PPP3CB: variants seen among roughly 807,000 people sequenced by gnomAD.
PPP3CB encodes serine/threonine-protein phosphatase 2B catalytic subunit beta isoform.
A neutral mutation model predicts 66.4 loss-of-function variants in PPP3CB; 8 were observed. The observed-to-expected ratio is 0.12, with a 90% CI of 0.07 to 0.22. The LOEUF (loss-of-function observed/expected upper bound fraction) is 0.22, where lower values mean the gene tolerates loss of function less well. Ranked by LOEUF, PPP3CB falls within the 10% of genes least tolerant of loss-of-function variation. The pLI is 1.00. For synonymous variants in PPP3CB, 208 were observed against 221.2 expected, an observed-to-expected ratio of 0.94 and a Z score of 0.53; for missense variants, 319 against 642.5, an observed-to-expected ratio of 0.50 and a Z score of 5.44.
chr10:73,443,306 A>AAG (rs754480731), intron 12 of PPP3CB, among the ~76,000 whole-genome samples: 27 of 148,312 alleles, frequency 1.8e-4, no homozygotes, highest in Non-Finnish European at 2.1e-4. Context: ...GAAAGAAAGA[A>AAG]AGAAAGAAAG....
intron 1 of PPP3CB, among the ~76,000 whole-genome samples, chr10:73,487,092 C>T (rs2133024730): frequency 6.6e-6 from 1 of 152,224 alleles, no homozygotes; most frequent in Admixed American, 6.5e-5. Flanking sequence ...ATTGCTTGAA[C>T]CTTGGAAGCA....
chr10:73,470,610 C>T, intron 8 of PPP3CB, 77 bp downstream of exon 8: 1 of 820,562 alleles, frequency 1.2e-6, no homozygotes, highest in South Asian at 2.3e-5. Flanking sequence ...CAAACAACAC[C>T]CCTTTTTTAT....
chr10:73,440,704 G>C (rs1472202996), intron 12 of PPP3CB, among the ~76,000 whole-genome samples: 1 of 152,122 alleles, frequency 6.6e-6, no homozygotes, highest in African/African-American at 2.4e-5. Flanking sequence ...AGACTACTGA[G>C]CATCTTTTCA....
intron 10 of PPP3CB, 139 bp downstream of exon 10, chr10:73,454,273 A>T: frequency 2.2e-6 from 1 of 446,874 alleles, no homozygotes; most frequent in East Asian, 3.5e-5. Context: ...ATATCCAAAA[A>T]AAGTAACTTG....
chr10:73,455,488 C>A (rs2056411278), intron 9 of PPP3CB, among the ~76,000 whole-genome samples: 1 of 152,178 alleles, frequency 6.6e-6, no homozygotes, highest in South Asian at 2.1e-4. Flanking sequence ...TCAATTATCA[C>A]CTCGTTGAAG....
chr10:73,489,021 TC>T (rs1288520528), intron 1 of PPP3CB, among the ~76,000 whole-genome samples: 2 of 152,204 alleles, frequency 1.3e-5, no homozygotes, highest in African/African-American at 4.8e-5. Context: ...AAACTTTGGA[TC>T]TTATTTTCAA....
At chr10:73,490,721 T>C (rs374566654) in intron 1 of PPP3CB, among the ~76,000 whole-genome samples, 4 of 152,316 alleles carry the variant, frequency 2.6e-5, no homozygotes, top group Middle Eastern at 3.4e-3. Context: ...CTTGTTACCA[T>C]AGTGTTCCCT....
chr10:73,494,345 G>A (rs2057134481), intron 1 of PPP3CB, among the ~76,000 whole-genome samples: 1 of 152,082 alleles, frequency 6.6e-6, no homozygotes, highest in African/African-American at 2.4e-5. Context: ...GGAGCACACT[G>A]GCGCAAATCT....
intron 3 of PPP3CB, among the ~76,000 whole-genome samples, chr10:73,476,531 C>G (rs554138620): frequency 1.3e-5 from 2 of 151,548 alleles, no homozygotes; most frequent in East Asian, 3.9e-4. Flanking sequence ...GCAGGAGAAT[C>G]TCTTGAACCT....
chr10:73,457,673 G>C (rs1044842462), intron 9 of PPP3CB, among the ~76,000 whole-genome samples: 11 of 151,606 alleles, frequency 7.3e-5, no homozygotes, highest in African/African-American at 2.7e-4. Context: ...GGGAGGTGGA[G>C]GTTGCAGTGA....
intron 9 of PPP3CB, among the ~76,000 whole-genome samples, chr10:73,462,140 CTTT>C (rs1019088638): frequency 3.2e-5 from 3 of 94,218 alleles, no homozygotes; most frequent in Non-Finnish European, 2.2e-5. Flanking sequence ...TAAACTCCTT[CTTT>C]TTTTTTTTTT....
intron 1 of PPP3CB, among the ~76,000 whole-genome samples, chr10:73,487,941 C>T (rs557389024): frequency 2.5e-4 from 38 of 152,012 alleles, no homozygotes; most frequent in South Asian, 1.0e-3. Flanking sequence ...CCATCACACC[C>T]GGCTAATTAG....
chr10:73,486,007 G>A (rs11000676), intron 1 of PPP3CB, among the ~76,000 whole-genome samples: 2,296 of 149,712 alleles, frequency 0.015, 64 homozygotes, highest in African/African-American at 0.053. Flanking sequence ...ATGCAGTGGC[G>A]CAACATGAGC....
In PPP3CB at chr10:73,438,120, A is replaced by C. The variant is rs2056094356; in HGVS notation, c.*122T>G. On this transcript the variant is annotated 3_prime_UTR_variant, in exon 14 of 14. Coordinates refer to ENST00000360663, the MANE Select transcript of PPP3CB (RefSeq NM_021132.4). ...TCCAGGAAGGGGGCTAGGGTCTCAG[A>C]AGCACAATGGTTTCTTCAGAGAGAC... 3.0e-6 allele frequency: 3 copies of C among 999,316 alleles called. No individual in the cohort carries two copies. Among genetic ancestry groups the C allele is most frequent in the Non-Finnish European group, 4.3e-6 (3 of 690,526 alleles). 61.9% of individuals were successfully genotyped at this position (999,316 alleles called of 1,614,324 possible). A position where few individuals can be genotyped will look rare whatever the true frequency, so the allele number is the denominator to read the frequency against.
At chr10:73,463,799 G>A (rs1190432394) in intron 9 of PPP3CB, among the ~76,000 whole-genome samples, 1 of 150,038 alleles carries the variant, frequency 6.7e-6, no homozygotes, top group Non-Finnish European at 1.5e-5. Context: ...CCCGCCACCT[G>A]TAATTTTTTG....
Position 73,438,188 on chromosome 10 carries a change from G to A in PPP3CB, c.*54C>T, listed in dbSNP as rs908010559. 115 of 1,546,234 alleles carry A rather than the reference G, an allele frequency of 7.4e-5. No individual in the cohort carries two copies. Among genetic ancestry groups the A allele is most frequent in the Non-Finnish European group, 9.5e-5 (107 of 1,130,706 alleles). On this transcript the variant is annotated 3_prime_UTR_variant, in exon 14 of 14. Coordinates refer to ENST00000360663, the MANE Select transcript of PPP3CB (RefSeq NM_021132.4). ...GCTTGGCCGACCCCTCCAGCTCCTC[G>A]GGTGATCTGTCCATTTGGGGCCCGA...
At chr10:73,475,245 C>A (rs1404137800) in intron 3 of PPP3CB, among the ~76,000 whole-genome samples, 1 of 152,124 alleles carries the variant, frequency 6.6e-6, no homozygotes, top group East Asian at 1.9e-4. Flanking sequence ...AGGAGAAGAG[C>A]AATAAATATT....
In PPP3CB at chr10:73,483,694, C is replaced by T. The variant is rs1399861721; in HGVS notation, c.86-4177G>A. ...AAAAATAAAATAAATTTTAATTTATCAGCAAATAAGAGAAAAAAGGCACGT... is the reference window on the plus strand; with the variant it reads ...AAAAATAAAATAAATTTTAATTTATTAGCAAATAAGAGAAAAAAGGCACGT... On this transcript the variant is annotated intron_variant, in intron 1 of 13. Coordinates refer to ENST00000360663, the MANE Select transcript of PPP3CB (RefSeq NM_021132.4). Among the ~76,000 whole-genome samples, 10 of 152,114 alleles carry T rather than the reference C, an allele frequency of 6.6e-5. No individual in the cohort carries two copies. The East Asian group carries it at 1.9e-3, about 29-fold the overall frequency.
At chr10:73,460,002 A>G (rs892983335) in intron 9 of PPP3CB, among the ~76,000 whole-genome samples, 4 of 152,198 alleles carry the variant, frequency 2.6e-5, no homozygotes, top group Non-Finnish European at 5.9e-5. Flanking sequence ...AAAGAAAAGT[A>G]TGAGGGTATA....
Sources: gnomAD v4.1 joint callset for allele counts (sites outside exome capture counted in the v4.1 genomes callset) on GRCh38, gnomAD v4.1.1 for gene constraint, MANE v1.5 for transcripts, NCBI Gene and HGNC (gene_info 2026-07-23, HGNC 2026-07-21) for gene names.